Variants in GPR139 observed in about 807,000 individuals in gnomAD.
The protein encoded by GPR139 is probable G protein-coupled receptor 139.
In GPR139, 12 loss-of-function variants were observed where a neutral mutation model predicts 25.8. The observed-to-expected ratio is 0.47, with a 90% CI of 0.30 to 0.75. The LOEUF is 0.75. Ranked by LOEUF, GPR139 falls within the 30% of genes least tolerant of loss-of-function variation. The pLI is 0.07. For missense variants in GPR139, 380 were observed against 450.2 expected (o/e 0.84, Z 1.41); for synonymous variants, 184 against 179.9 (o/e 1.02, Z -0.18).
In GPR139 at chr16:20,030,147, A is replaced by G. The variant is rs747241074; in HGVS notation, c.*1588T>C. 6.6e-6 allele frequency among the ~76,000 whole-genome samples: 1 copy of G among 152,206 alleles called. No individual in the cohort carries two copies. The highest frequency in any genetic ancestry group is 1.5e-5 in the Non-Finnish European group (1 of 68,036). The stretch of plus-strand genomic sequence containing the variant: ...GCTGAAGTTTAGGGTTTGTGTTGCC[A>G]TGGGGCCTTTTCTTATCCCATTCAT... On this transcript the variant is annotated 3_prime_UTR_variant, in exon 2 of 2. Transcript: ENST00000570682.
At chr16:20,068,266 GAAATA>G (rs1383550223) in intron 1 of GPR139, among the ~76,000 whole-genome samples, 2 of 143,666 alleles carry the variant, frequency 1.4e-5, no homozygotes, top group East Asian at 4.1e-4. Context: ...AAAGAAAGGA[GAAATA>G]AAATAAAGCA....
chr16:20,042,937 T>C (rs755076852), intron 1 of GPR139, among the ~76,000 whole-genome samples: 7 of 152,218 alleles, frequency 4.6e-5, no homozygotes, highest in Non-Finnish European at 1.0e-4. Context: ...GGATTGGTAA[T>C]GTCTGCCAAG....
chr16:20,034,852 GATTT>G (rs1031674159), intron 1 of GPR139, among the ~76,000 whole-genome samples: 14 of 151,962 alleles, frequency 9.2e-5, no homozygotes, highest in African/African-American at 2.9e-4. Flanking sequence ...GGAACTTACT[GATTT>G]ATTTATTTAT....
intron 1 of GPR139, among the ~76,000 whole-genome samples, chr16:20,036,431 G>A (rs1047778886): frequency 1.3e-5 from 2 of 152,182 alleles, no homozygotes; most frequent in Non-Finnish European, 2.9e-5. Flanking sequence ...TGCCAATAAA[G>A]AAGTTTCCAA....
At position 20,048,344 on chromosome 16, in the gene GPR139, T is replaced by G. The variant is rs530506753; in HGVS notation, c.128-15675A>C. 5.3e-5 allele frequency among the ~76,000 whole-genome samples: 8 copies of G among 152,266 alleles called. No individual in the cohort carries two copies. The South Asian group carries it at 1.7e-3, about 32-fold the overall frequency. ...TAAATCCAATTCAGTTCAACATAAA[T>G]TTAGTGATGCCCAACCATGTACCAG... On this transcript the variant is annotated intron_variant, in intron 1 of 1. Coordinates refer to ENST00000570682, the MANE Select transcript of GPR139 (RefSeq NM_001002911.4).
intron 1 of GPR139, among the ~76,000 whole-genome samples, chr16:20,044,797 A>C (rs2057348236): frequency 6.6e-6 from 1 of 152,190 alleles, no homozygotes; most frequent in Non-Finnish European, 1.5e-5. Flanking sequence ...TGCTATTTTC[A>C]TCCCCTTACA....
In GPR139 at chr16:20,032,603, T is replaced by A. The variant is rs1421128326; in HGVS notation, c.194A>T (p.Tyr65Phe). ...GTCGGCAGCAGCGAGTGCCAAGAGATAGTTGTAGGAGGACTTCTGTCTTCT... is the reference window on the plus strand; with the variant it reads ...GTCGGCAGCAGCGAGTGCCAAGAGAAAGTTGTAGGAGGACTTCTGTCTTCT... The part of the protein sequence containing the change: ...VARRQKSSYN[Y>F]LLALAAADIL... The change falls in exon 2 of 2, where the codon TAT becomes TTT. Residue 65 changes from tyrosine (Y) to phenylalanine (F), a missense_variant. Transcript: ENST00000570682. The A allele has an allele frequency of 6.2e-7, 1 of 1,613,814 alleles. No homozygotes were observed.
intron 1 of GPR139, among the ~76,000 whole-genome samples, chr16:20,052,695 G>C (rs1253023215): frequency 1.3e-5 from 2 of 151,646 alleles, no homozygotes; most frequent in Non-Finnish European, 2.9e-5. Flanking sequence ...CACTCGGGAG[G>C]CTGAGGCAGG....
chr16:20,050,397 G>A (rs971097544), intron 1 of GPR139, among the ~76,000 whole-genome samples: 2 of 152,162 alleles, frequency 1.3e-5, no homozygotes, highest in African/African-American at 4.8e-5. Context: ...TTCTTTGCAG[G>A]GATGGGTGGG....
chr16:20,068,254 A>G (rs1008980341), intron 1 of GPR139, among the ~76,000 whole-genome samples: 1 of 142,062 alleles, frequency 7.0e-6, no homozygotes, highest in Non-Finnish European at 1.6e-5. Flanking sequence ...AAAAAAAAAA[A>G]AAAAGAAAGG....
At chr16:20,056,533 C>G (rs936265956) in intron 1 of GPR139, among the ~76,000 whole-genome samples, 3 of 152,198 alleles carry the variant, frequency 2.0e-5, no homozygotes, top group African/African-American at 7.2e-5. Context: ...GTTTTCAGTC[C>G]TGCCTACCCG....
At position 20,032,682 on chromosome 16, in the gene GPR139, G is replaced by A. The variant is rs2057295418; in HGVS notation, c.128-13C>T. ...GTCAAGATATTTGCTGTGGAGAGAA[G>A]AAAAACTGGTTTAGCTCTGAAGCAA... is the stretch of plus-strand genomic sequence containing the variant. On this transcript the variant is annotated splice_polypyrimidine_tract_variant and intron_variant, in intron 1 of 1. Coordinates refer to ENST00000570682, the MANE Select transcript of GPR139 (RefSeq NM_001002911.4). 6.3e-7 allele frequency: 1 copy of A among 1,585,876 alleles called. No homozygotes were observed. Among genetic ancestry groups the A allele is most frequent in the Non-Finnish European group, 8.6e-7 (1 of 1,160,616 alleles).
At chr16:20,072,097 A>G (rs913094690) in intron 1 of GPR139, among the ~76,000 whole-genome samples, 14 of 152,144 alleles carry the variant, frequency 9.2e-5, no homozygotes, top group South Asian at 2.1e-4. Flanking sequence ...ACTAAAATCA[A>G]TCCCAGCTCA....
At chr16:20,049,167 G>A (rs1319818708) in intron 1 of GPR139, among the ~76,000 whole-genome samples, 1 of 152,222 alleles carries the variant, frequency 6.6e-6, no homozygotes, top group Non-Finnish European at 1.5e-5. Flanking sequence ...TCACAGGGCT[G>A]TCAAAGAGTA....
chr16:20,049,055 C>T (rs1372862927), intron 1 of GPR139, among the ~76,000 whole-genome samples: 1 of 152,180 alleles, frequency 6.6e-6, no homozygotes, highest in Non-Finnish European at 1.5e-5. Flanking sequence ...GAGTATTTAA[C>T]ACATTTTTAT....
chr16:20,039,155 T>C (rs2141202943), intron 1 of GPR139, among the ~76,000 whole-genome samples: 1 of 152,366 alleles, frequency 6.6e-6, no homozygotes, highest in East Asian at 1.9e-4. Context: ...TTCTTGGTTA[T>C]ATTCTTGAGG....
chr16:20,073,316 T>C lies in GPR139; in HGVS notation c.127+174A>G, dbSNP rs933413657. ...CACACACACACACACGGTCCCCAGCTAGGGCACAGCAACTTCCTTTCCCCC... is the reference window on the plus strand; with the variant it reads ...CACACACACACACACGGTCCCCAGCCAGGGCACAGCAACTTCCTTTCCCCC... On this transcript the variant is annotated intron_variant, in intron 1 of 1. Transcript: ENST00000570682. The surrounding 1 kb of genome is among the most constrained non-coding windows in gnomAD (Gnocchi z 4.7). Among the ~76,000 whole-genome samples the C allele has an allele frequency of 2.6e-5, 4 of 151,568 alleles. No homozygotes were observed. The highest frequency in any genetic ancestry group is 9.7e-5 in the African/African-American group (4 of 41,220).
intron 1 of GPR139, among the ~76,000 whole-genome samples, chr16:20,032,970 C>A (rs11074426): frequency 0.058 from 8,824 of 151,314 alleles, 316 homozygotes; most frequent in East Asian, 0.16. Context: ...TGCCGCCATT[C>A]TCCTCACACA....
intron 1 of GPR139, among the ~76,000 whole-genome samples, chr16:20,054,814 A>C (rs2057383624): frequency 6.6e-6 from 1 of 151,824 alleles, no homozygotes; most frequent in Admixed American, 6.6e-5. Context: ...TGCAGCCTCG[A>C]CCTCCCAGGT....
Sources: gnomAD v4.1 joint callset for allele counts (sites outside exome capture counted in the v4.1 genomes callset) on GRCh38, gnomAD v4.1.1 for gene constraint, Gnocchi (gnomAD v3.1) non-coding constraint, MANE v1.5 for transcripts, NCBI Gene and HGNC (gene_info 2026-07-23, HGNC 2026-07-21) for gene names.